The following PAFAH1B2 variants were observed in gnomAD, a reference collection of about 807,000 sequenced individuals.
The protein encoded by PAFAH1B2 is platelet activating factor acetylhydrolase 1b catalytic subunit 2.
In PAFAH1B2, 8 loss-of-function variants were observed where a neutral mutation model predicts 28.0. The observed-to-expected ratio is 0.29, with a 90% confidence interval of 0.17 to 0.52. PAFAH1B2 has a LOEUF of 0.52. Ranked by LOEUF, PAFAH1B2 falls within the 20% of genes least tolerant of loss-of-function variation. PAFAH1B2 has a pLI of 0.97. For missense variants in PAFAH1B2, 190 were observed against 282.6 expected, an observed-to-expected ratio of 0.67 and a Z score of 2.35; for synonymous variants, 104 against 103.2, an observed-to-expected ratio of 1.01 and a Z score of -0.05.
rs140282050 is a variant in PAFAH1B2 at position 117,161,665 on chromosome 11, G to T, written c.288+404G>T. Among the ~76,000 whole-genome samples, 986 of 151,980 alleles carry T rather than the reference G, an allele frequency of 6.5e-3. 8 individuals carry two copies. The highest frequency in any genetic ancestry group is 0.022 in the African/African-American group (921 of 41,468). On this transcript the variant is annotated intron_variant, in intron 4 of 5. Coordinates refer to ENST00000527958, the MANE Select transcript of PAFAH1B2 (RefSeq NM_002572.4). Reference sequence around the variant, plus strand: ...CTGGGATTACAGGCGCCGCCACTGTGCCCAGCTAATTTTTGTATTTTTGGT... The same window carrying T: ...CTGGGATTACAGGCGCCGCCACTGTTCCCAGCTAATTTTTGTATTTTTGGT...
At chr11:117,171,538 G>GAA (rs543577332), downstream of PAFAH1B2, 322 of 465,392 alleles carry the variant, frequency 6.9e-4, no homozygotes, top group South Asian at 1.4e-3. Context: ...TCTTGTCTCG[G>GAA]AAAAAAAAAA....
chr11:117,166,887 A>AT (rs1956524112), intron 5 of PAFAH1B2, among the ~76,000 whole-genome samples: 1 of 152,200 alleles, frequency 6.6e-6, no homozygotes, highest in Non-Finnish European at 1.5e-5. Flanking sequence ...AATTAAGATG[A>AT]TTGGAGATAA....
At chr11:117,165,823 G>A (rs1015284837) in intron 5 of PAFAH1B2, among the ~76,000 whole-genome samples, 3 of 151,754 alleles carry the variant, frequency 2.0e-5, no homozygotes, top group Non-Finnish European at 2.9e-5. Context: ...GCCACAACCA[G>A]GTCATGTAGG....
chr11:117,171,029 G>A lies in PAFAH1B2; in HGVS notation c.*3330G>A, dbSNP rs1956639216. 1 of 1,033,966 alleles carries A rather than the reference G, an allele frequency of 9.7e-7. No homozygotes were observed. The highest frequency in any genetic ancestry group is 1.2e-6 in the Non-Finnish European group (1 of 859,358). 64.0% of individuals were successfully genotyped at this position (1,033,966 alleles called of 1,614,324 possible). A position where few individuals can be genotyped will look rare whatever the true frequency, so the allele number is the denominator to read the frequency against. On this transcript the variant is annotated 3_prime_UTR_variant, in exon 6 of 6. Transcript: ENST00000527958. ...TTTTAGTGTATATTTCAATATAAAT[G>A]TAAACATTTTGCTCAATTTGCTGGT...
intron 1 of PAFAH1B2, among the ~76,000 whole-genome samples, chr11:117,150,155 C>G (rs1188603641): frequency 6.6e-6 from 1 of 152,096 alleles, no homozygotes; most frequent in Non-Finnish European, 1.5e-5. Context: ...TAAAGCAAAA[C>G]CTCCCACATT....
chr11:117,158,700 A>G (rs1591742830), intron 2 of PAFAH1B2, among the ~76,000 whole-genome samples: 2 of 141,140 alleles, frequency 1.4e-5, no homozygotes, highest in South Asian at 4.4e-4. Flanking sequence ...GCTGGAGTGT[A>G]ATGGCATGAT....
At chr11:117,175,736 G>A (rs368987968), downstream of PAFAH1B2, 1,340 of 1,103,168 alleles carry the variant, frequency 1.2e-3, 6 homozygotes, top group Middle Eastern at 0.019. Context: ...CTCTGGATGT[G>A]CGTTTAAAAC....
chr11:117,174,978 C>T (rs1312904766), downstream of PAFAH1B2: 2 of 1,478,322 alleles, frequency 1.4e-6, no homozygotes, highest in East Asian at 5.2e-5. Flanking sequence ...CCTCTCACCC[C>T]AAACTTCATA....
chr11:117,149,837 G>A (rs977392267), intron 1 of PAFAH1B2, among the ~76,000 whole-genome samples: 2 of 152,020 alleles, frequency 1.3e-5, no homozygotes, highest in South Asian at 2.1e-4. Context: ...GTAGTGGGGT[G>A]CATTTCAAAA....
chr11:117,172,019 C>T (rs1956660720), downstream of PAFAH1B2, among the ~76,000 whole-genome samples: 1 of 152,036 alleles, frequency 6.6e-6, no homozygotes, highest in Non-Finnish European at 1.5e-5. Flanking sequence ...GCAGTGAAAG[C>T]AGCCTGGATC....
At chr11:117,175,335 A>G, downstream of PAFAH1B2, 1 of 1,069,570 alleles carries the variant, frequency 9.3e-7, no homozygotes, top group African/African-American at 1.6e-5. Flanking sequence ...ACAAAAAGGC[A>G]TTCTCTCCCA....
At position 117,168,446 on chromosome 11, in the gene PAFAH1B2, G is replaced by GTTTTTTTTTTTTTTTTTTTT. The variant is rs71469127; in HGVS notation, c.*753_*772dup. The GTTTTTTTTTTTTTTTTTTTT allele has an allele frequency of 3.0e-5, 7 of 235,940 alleles. No individual in the cohort carries two copies. Among genetic ancestry groups the GTTTTTTTTTTTTTTTTTTTT allele is most frequent in the East Asian group, 1.7e-4 (1 of 5,748 alleles). 14.6% of individuals were successfully genotyped at this position (235,940 alleles called of 1,614,324 possible). A position where few individuals can be genotyped will look rare whatever the true frequency, so the allele number is the denominator to read the frequency against. ...TCCCCTTCATTCCCCCCGCCACCCC[G>GTTTTTTTTTTTTTTTTTTTT]TTTTTTTTTTTTTTTTTTTTTTTTT... On this transcript the variant is annotated 3_prime_UTR_variant, in exon 6 of 6. Coordinates refer to ENST00000527958, the MANE Select transcript of PAFAH1B2 (RefSeq NM_002572.4).
chr11:117,167,575 A>G lies in PAFAH1B2; in HGVS notation c.566A>G (p.His189Arg). The G allele has an allele frequency of 6.2e-7, 1 of 1,613,058 alleles. No individual in the cohort carries two copies. The highest frequency in any genetic ancestry group is 8.5e-7 in the Non-Finnish European group (1 of 1,179,410). ...CACTCGGACGGTGCCATCTCCTGCC[A>G]CGACATGTTTGATTTTCTGCATCTG... Reference protein sequence around the residue: ...FVHSDGAISCHDMFDFLHLTG... With the variant: ...FVHSDGAISCRDMFDFLHLTG... The change falls in exon 6 of 6, where the codon CAC becomes CGC. Residue 189 changes from histidine (H) to arginine (R), a missense_variant. His to Arg is a conservative substitution (Grantham distance 29, BLOSUM62 0). Transcript: ENST00000527958.
downstream of PAFAH1B2, chr11:117,175,781 G>C (rs563641352): frequency 1.8e-6 from 2 of 1,112,116 alleles, no homozygotes; most frequent in East Asian, 5.2e-5. Flanking sequence ...AAAGTTATGA[G>C]GCCAACTTAG....
intron 1 of PAFAH1B2, among the ~76,000 whole-genome samples, chr11:117,147,551 C>A (rs972128500): frequency 6.6e-6 from 1 of 152,174 alleles, no homozygotes; most frequent in Non-Finnish European, 1.5e-5. Flanking sequence ...GCATAGTCTT[C>A]TAGGTTGTGC....
chr11:117,171,892 T>C (rs1956658963), downstream of PAFAH1B2: 1 of 649,428 alleles, frequency 1.5e-6, no homozygotes, highest in Non-Finnish European at 2.6e-6. Context: ...TGGAGGTAAA[T>C]TGAGACATTT....
At chr11:117,145,440 G>T (rs1955979106) in intron 1 of PAFAH1B2, among the ~76,000 whole-genome samples, 1 of 40,254 alleles carries the variant, frequency 2.5e-5, no homozygotes, top group Admixed American at 1.8e-4. Flanking sequence ...ATGGGAAGGG[G>T]TTGGGCCGGG....
chr11:117,177,731 C>T (rs1026135354), downstream of PAFAH1B2, among the ~76,000 whole-genome samples: 5 of 152,196 alleles, frequency 3.3e-5, no homozygotes, highest in African/African-American at 4.8e-5. Context: ...AGATGGGGTT[C>T]ACCATGTTGG....
downstream of PAFAH1B2, chr11:117,171,471 G>C (rs7130981): frequency 2.0e-3 from 1,081 of 547,756 alleles, 13 homozygotes; most frequent in African/African-American, 0.017. Context: ...AGGAGGCGGA[G>C]GTTACCGTGA....
Sources: allele counts gnomAD v4.1 joint callset (sites outside exome capture counted in the v4.1 genomes callset), GRCh38; gene constraint gnomAD v4.1.1; transcripts MANE v1.5; gene names NCBI Gene and HGNC (gene_info 2026-07-23, HGNC 2026-07-21).